The following TSPAN9 variants were observed in gnomAD, a reference collection of about 807,000 sequenced individuals.
TSPAN9 encodes the protein tetraspanin 9.
A neutral mutation model predicts 31.0 loss-of-function variants in TSPAN9; 16 were observed. The observed-to-expected ratio is 0.52, with a 90% CI of 0.35 to 0.78. The LOEUF (loss-of-function observed/expected upper bound fraction) is 0.78. Ranked by LOEUF, TSPAN9 falls within the 30% of genes least tolerant of loss-of-function variation. The pLI is 0.01. For missense variants in TSPAN9, 272 were observed against 312.5 expected, an observed-to-expected ratio of 0.87 and a Z score of 0.98; for synonymous variants, 145 against 121.6, an observed-to-expected ratio of 1.19 and a Z score of -1.27.
chr12:3,236,983 A>C (rs1287570601), intron 3 of TSPAN9, among the ~76,000 whole-genome samples: 27 of 152,178 alleles, frequency 1.8e-4, no homozygotes, highest in African/African-American at 6.3e-4. Flanking sequence ...CACATGTGAA[A>C]TGACTGCGAG....
rs567927344 is a variant in TSPAN9 at position 3,261,070 on chromosome 12, C to T, written c.64-17351C>T. ...GAGGTGGGGTGACCAACCCGAACTC[C>T]TACCCTGTGTTCTGGCCAAAGGGAT... On this transcript the variant is annotated intron_variant, in intron 3 of 8. Transcript: ENST00000011898. Among the ~76,000 whole-genome samples the T allele has an allele frequency of 9.9e-5, 15 of 152,252 alleles. 1 individual carries two copies. Among genetic ancestry groups the T allele is most frequent in the South Asian group, 8.3e-4 (4 of 4,822 alleles).
intron 3 of TSPAN9, among the ~76,000 whole-genome samples, chr12:3,254,064 C>G (rs554648052): frequency 1.3e-5 from 2 of 152,200 alleles, no homozygotes; most frequent in African/African-American, 4.8e-5. Flanking sequence ...TGGTTATCAA[C>G]ACCACCTCCT....
At chr12:3,196,937 T>C (rs962990885) in intron 2 of TSPAN9, among the ~76,000 whole-genome samples, 1 of 151,550 alleles carries the variant, frequency 6.6e-6, no homozygotes, top group Non-Finnish European at 1.5e-5. Flanking sequence ...GCAGAAGAGA[T>C]GAAAAAGGGT....
intron 3 of TSPAN9, among the ~76,000 whole-genome samples, chr12:3,267,144 G>T (rs1862551918): frequency 6.6e-6 from 1 of 152,204 alleles, no homozygotes; most frequent in Admixed American, 6.5e-5. Flanking sequence ...AAAACAGGGA[G>T]AATGGAGCCC....
At chr12:3,190,752 A>G (rs1244558675) in intron 2 of TSPAN9, among the ~76,000 whole-genome samples, 2 of 152,144 alleles carry the variant, frequency 1.3e-5, no homozygotes, top group African/African-American at 2.4e-5. Flanking sequence ...TCTTTTTGTA[A>G]AGCTTGCCCT....
At chr12:3,200,790 C>T (rs1407855830) in intron 2 of TSPAN9, 2 of 162,692 alleles carry the variant, frequency 1.2e-5, no homozygotes, top group Non-Finnish European at 2.6e-5. Context: ...GCGAGTGAGC[C>T]CCTGTGCAGA....
intron 3 of TSPAN9, among the ~76,000 whole-genome samples, chr12:3,205,876 C>T (rs577010063): frequency 1.3e-4 from 20 of 152,094 alleles, no homozygotes; most frequent in African/African-American, 4.3e-4. Context: ...GGAATGTGGC[C>T]GTGAGGGAAT....
chr12:3,223,192 T>C (rs945396651), intron 3 of TSPAN9, among the ~76,000 whole-genome samples: 38 of 152,366 alleles, frequency 2.5e-4, no homozygotes, highest in African/African-American at 8.9e-4. Context: ...GTAATTGCAG[T>C]ACATGGGTAG....
intron 2 of TSPAN9, among the ~76,000 whole-genome samples, chr12:3,174,494 T>TG (rs764520614): frequency 1.3e-5 from 2 of 152,224 alleles, no homozygotes; most frequent in Non-Finnish European, 2.9e-5. Flanking sequence ...GGAGCCTGTG[T>TG]GTTCTGCTGT....
At chr12:3,275,243 C>T (rs73256368) in intron 3 of TSPAN9, among the ~76,000 whole-genome samples, 7 of 152,168 alleles carry the variant, frequency 4.6e-5, no homozygotes, top group African/African-American at 7.2e-5. Context: ...AGGGGCCCCC[C>T]GCTGCAGGTA....
chr12:3,211,821 T>C, intron 3 of TSPAN9: 5 of 1,593,334 alleles, frequency 3.1e-6, no homozygotes, highest in South Asian at 1.1e-5. Context: ...TTCACATCCA[T>C]GAAGTAGGAA....
At chr12:3,282,952 C>T (rs11611152) in intron 8 of TSPAN9, 93 bp from the exon 9 acceptor site, 11 of 1,310,308 alleles carry the variant, frequency 8.4e-6, no homozygotes, top group African/African-American at 1.5e-5. Context: ...CCCGCTTGCT[C>T]TAGGTGCCCT....
At chr12:3,259,478 A>C (rs1276986013) in intron 3 of TSPAN9, among the ~76,000 whole-genome samples, 2 of 152,168 alleles carry the variant, frequency 1.3e-5, no homozygotes, top group Admixed American at 1.3e-4. Flanking sequence ...ACAGTGCATC[A>C]CCGTAGGGGT....
intron 3 of TSPAN9, among the ~76,000 whole-genome samples, chr12:3,208,854 A>G (rs749932135): frequency 9.9e-5 from 15 of 152,202 alleles, no homozygotes; most frequent in Non-Finnish European, 2.2e-4. Flanking sequence ...TGTACGCCAC[A>G]TGTATTGGCA....
chr12:3,123,364 T>C (rs2098325984), intron 2 of TSPAN9, among the ~76,000 whole-genome samples: 1 of 152,188 alleles, frequency 6.6e-6, no homozygotes, highest in African/African-American at 2.4e-5. Context: ...TTAACCCTTC[T>C]TTGTGCACAG....
chr12:3,090,973 G>A (rs73240277), intron 2 of TSPAN9, among the ~76,000 whole-genome samples: 3,154 of 152,340 alleles, frequency 0.021, 112 homozygotes, highest in African/African-American at 0.073. Context: ...CGCGGCTAGC[G>A]CTGGCAGAGG....
chr12:3,158,378 G>C (rs912153900), intron 2 of TSPAN9, among the ~76,000 whole-genome samples: 7 of 152,178 alleles, frequency 4.6e-5, no homozygotes, highest in Non-Finnish European at 1.0e-4. Flanking sequence ...AGTGTGCAAG[G>C]CTCTGCAGAA....
chr12:3,209,164 G>A (rs982051262), intron 3 of TSPAN9, among the ~76,000 whole-genome samples: 6 of 151,824 alleles, frequency 4.0e-5, no homozygotes, highest in Non-Finnish European at 5.9e-5. Flanking sequence ...GAACCCGGGA[G>A]GTGGAGGTTG....
At chr12:3,105,729 C>T (rs933594957) in intron 2 of TSPAN9, among the ~76,000 whole-genome samples, 3 of 151,380 alleles carry the variant, frequency 2.0e-5, no homozygotes, top group Admixed American at 6.6e-5. Flanking sequence ...TTTGTGTGCA[C>T]GCGCGTGCAC....
Sources: gnomAD v4.1 joint callset for allele counts (sites outside exome capture counted in the v4.1 genomes callset) on GRCh38, gnomAD v4.1.1 for gene constraint, MANE v1.5 for transcripts, NCBI Gene and HGNC (gene_info 2026-07-23, HGNC 2026-07-21) for gene names.